Variants in PIK3AP1 observed in about 807,000 individuals in gnomAD.
PIK3AP1 encodes the protein phosphoinositide 3-kinase adapter protein 1.
A neutral mutation model predicts 88.1 loss-of-function variants in PIK3AP1; 21 were observed. The observed-to-expected ratio is 0.24, with a 90% CI of 0.17 to 0.34. The LOEUF is 0.34. PIK3AP1 is among the 10% of genes least tolerant of loss of function. PIK3AP1 has a pLI of 1.00. For synonymous variants in PIK3AP1, 398 were observed against 400.0 expected (o/e 1.00, Z 0.06); for missense variants, 828 against 1,035.7 (o/e 0.80, Z 2.75).
intron 8 of PIK3AP1, among the ~76,000 whole-genome samples, chr10:96,630,844 A>G (rs925999018): frequency 1.3e-5 from 2 of 152,140 alleles, no homozygotes; most frequent in South Asian, 4.1e-4. Flanking sequence ...CCTGTCTCAA[A>G]AAAAGAAAAG....
intron 8 of PIK3AP1, among the ~76,000 whole-genome samples, chr10:96,638,699 G>C (rs1843346508): frequency 6.6e-6 from 1 of 152,236 alleles, no homozygotes; most frequent in African/African-American, 2.4e-5. Flanking sequence ...CATTTGTGGT[G>C]CTGTGCAGTG....
chr10:96,700,912 G>A (rs1890680), intron 2 of PIK3AP1: 460,862 of 984,810 alleles, frequency 0.47, 108,428 homozygotes, highest in Middle Eastern at 0.66. Context: ...GCCAAGGCCA[G>A]GCTCTGAGCC....
intron 8 of PIK3AP1, among the ~76,000 whole-genome samples, chr10:96,637,118 G>T (rs1843321879): frequency 6.6e-6 from 1 of 152,050 alleles, no homozygotes; most frequent in Admixed American, 6.6e-5. Context: ...AATCTTTTGT[G>T]GCCAAAAAGA....
At position 96,709,896 on chromosome 10, in the gene PIK3AP1, C is replaced by G; in HGVS notation, c.101G>C (p.Ser34Thr). 1 of 1,613,608 alleles carries G rather than the reference C, an allele frequency of 6.2e-7. No homozygotes were observed. The highest frequency in any genetic ancestry group is 8.5e-7 in the Non-Finnish European group (1 of 1,179,944). Reference protein sequence around the residue: ...CQYLQTLFLSSRQVRSQKILT... With the variant: ...CQYLQTLFLSTRQVRSQKILT... ...TATCTTCTGGCTGCGGACCTGCCGA[C>G]TGGACAGGAACAGGGTCTGCAGGTA... Residue 34 changes from serine to threonine, a missense_variant, in exon 2 of 17, where the codon AGT becomes ACT. Ser to Thr is a moderately conservative substitution (Grantham distance 58). Around this residue, in one of 3 missense-constraint regions of PIK3AP1, gnomAD observed 610 missense variants for 760.1 expected, o/e 0.80. Coordinates refer to ENST00000339364, the MANE Select transcript of PIK3AP1 (RefSeq NM_152309.3).
intron 13 of PIK3AP1, among the ~76,000 whole-genome samples, chr10:96,613,431 C>T (rs538295013): frequency 6.6e-6 from 1 of 152,292 alleles, no homozygotes; most frequent in East Asian, 1.9e-4. Context: ...TGCTTGCCGT[C>T]CCCGGTCATT....
intron 1 of PIK3AP1, among the ~76,000 whole-genome samples, chr10:96,710,581 C>A (rs758317226): frequency 3.3e-5 from 5 of 152,092 alleles, no homozygotes; most frequent in African/African-American, 1.2e-4. Context: ...ACCTTCCCCC[C>A]ACACCTGAAG....
intron 2 of PIK3AP1, among the ~76,000 whole-genome samples, chr10:96,689,823 TTTACCCCTCCAAAGTGTTCCTTCTTCTCC>T (rs1455757190): frequency 2.0e-5 from 3 of 152,070 alleles, no homozygotes; most frequent in African/African-American, 7.2e-5. Flanking sequence ...CTGTCTGCTT[TTTACCCCTCCAAAGTGTTCCTTCTTCTCC>T]TTACTCACTG....
intron 12 of PIK3AP1, among the ~76,000 whole-genome samples, chr10:96,617,518 A>T (rs1843010359): frequency 6.6e-6 from 1 of 152,194 alleles, no homozygotes; most frequent in Admixed American, 6.5e-5. Context: ...AACACTGAAC[A>T]CTGTGAGCTT....
At chr10:96,695,716 C>A (rs1287799496) in intron 2 of PIK3AP1, among the ~76,000 whole-genome samples, 1 of 151,636 alleles carries the variant, frequency 6.6e-6, no homozygotes, top group Non-Finnish European at 1.5e-5. Context: ...CTCCAAAACT[C>A]TATAGATTGC....
At chr10:96,596,326 A>T (rs1809663627) in intron 16 of PIK3AP1, among the ~76,000 whole-genome samples, 1 of 152,182 alleles carries the variant, frequency 6.6e-6, no homozygotes, top group Admixed American at 6.5e-5. Context: ...GCTCTTGTCC[A>T]CATTTTCCCC....
chr10:96,687,125 G>A (rs1017290439), intron 2 of PIK3AP1, among the ~76,000 whole-genome samples: 6 of 151,632 alleles, frequency 4.0e-5, no homozygotes, highest in African/African-American at 1.2e-4. Flanking sequence ...GTGCGGTGGC[G>A]GGCGCCTGTA....
At chr10:96,690,018 T>C (rs1431532069) in intron 2 of PIK3AP1, among the ~76,000 whole-genome samples, 2 of 152,220 alleles carry the variant, frequency 1.3e-5, no homozygotes, top group East Asian at 3.9e-4. Context: ...TCTCTGTTAC[T>C]ACTGTCCAGG....
chr10:96,597,367 T>C lies in PIK3AP1; in HGVS notation c.2361-1733A>G, dbSNP rs79977495. Among the ~76,000 whole-genome samples the C allele has an allele frequency of 2.0e-3, 238 of 119,648 alleles. 3 individuals carry two copies. The highest frequency in any genetic ancestry group is 2.9e-3 in the Non-Finnish European group (169 of 59,174). The allele number at this position is 119,648 out of a possible 152,430, so 78.5% of individuals were successfully genotyped here. ...CCCTCCCTCCCTCCCTCTCTCTCTCTCTCTCTCTCTTTCTTTCTTTCTTTC... is the reference window on the plus strand; with the variant it reads ...CCCTCCCTCCCTCCCTCTCTCTCTCCCTCTCTCTCTTTCTTTCTTTCTTTC... On this transcript the variant is annotated intron_variant, in intron 16 of 16. Transcript: ENST00000339364.
intron 2 of PIK3AP1, among the ~76,000 whole-genome samples, chr10:96,689,936 C>G (rs568897482): frequency 9.8e-5 from 15 of 152,322 alleles, no homozygotes; most frequent in African/African-American, 3.4e-4. Flanking sequence ...GATCCAGCCT[C>G]CAGCCTCCAG....
intron 8 of PIK3AP1, among the ~76,000 whole-genome samples, chr10:96,636,478 G>T (rs541589821): frequency 5.9e-5 from 9 of 152,050 alleles, no homozygotes; most frequent in African/African-American, 2.2e-4. Context: ...CACATAACCC[G>T]GGCATACAGT....
intron 2 of PIK3AP1, among the ~76,000 whole-genome samples, chr10:96,670,547 A>G (rs966116869): frequency 1.3e-5 from 2 of 152,152 alleles, no homozygotes; most frequent in African/African-American, 4.8e-5. Flanking sequence ...GCACAAAGGC[A>G]TGAGCGCAAA....
intron 1 of PIK3AP1, among the ~76,000 whole-genome samples, chr10:96,716,155 G>A (rs1028468993): frequency 2.7e-5 from 4 of 150,030 alleles, no homozygotes; most frequent in South Asian, 2.1e-4. Flanking sequence ...GGTGGCATGC[G>A]CCTGTAGTCC....
intron 2 of PIK3AP1, among the ~76,000 whole-genome samples, chr10:96,703,266 T>C (rs1243324376): frequency 6.6e-6 from 1 of 152,142 alleles, no homozygotes; most frequent in African/African-American, 2.4e-5. Context: ...TATAGACATA[T>C]CCCTCTAAAT....
intron 2 of PIK3AP1, among the ~76,000 whole-genome samples, chr10:96,688,532 C>T (rs1345748985): frequency 2.6e-5 from 4 of 152,196 alleles, no homozygotes; most frequent in Non-Finnish European, 5.9e-5. Flanking sequence ...GGCGCGGTGG[C>T]TCACGCCTAT....
Sources: allele counts gnomAD v4.1 joint callset (sites outside exome capture counted in the v4.1 genomes callset), GRCh38; gene constraint gnomAD v4.1.1; regional missense constraint gnomAD v4.1.1; transcripts MANE v1.5; gene names NCBI Gene and HGNC (gene_info 2026-07-23, HGNC 2026-07-21).